CASKIN2: variants seen among roughly 807,000 people sequenced by gnomAD.
The protein encoded by CASKIN2 is CASK interacting protein 2.
A neutral mutation model predicts 107.1 loss-of-function variants in CASKIN2; 41 were observed. That is an observed-to-expected ratio of 0.38 (90% CI 0.30 to 0.50). The LOEUF (loss-of-function observed/expected upper bound fraction) is 0.50. Ranked by LOEUF, CASKIN2 falls within the 20% of genes least tolerant of loss-of-function variation. The pLI is 0.92. For missense variants in CASKIN2, 1,546 were observed against 1,657.4 expected (o/e 0.93, Z 1.17); for synonymous variants, 724 against 705.6 (o/e 1.03, Z -0.41).
At position 75,501,989 on chromosome 17, in the gene CASKIN2, C is replaced by T. The variant is rs758603832; in HGVS notation, c.3085G>A (p.Glu1029Lys). The change falls in exon 18 of 20, where the codon GAG (glutamate) becomes AAG (lysine). Residue 1029 changes from glutamate (E) to lysine (K), a missense_variant. By Grantham distance (56) the Glu-to-Lys change is moderately conservative. Transcript: ENST00000321617. ...GGAAGGCTAGAAGCTGGAGGAGACT[C>T]GCCAGGAGTTGGGGAAGGCAGTGGG... ...AAPLPSPTPG[E>K]SPPASSLPQP... 96 of 1,612,072 alleles carry T rather than the reference C, an allele frequency of 6.0e-5. No homozygotes were observed. Among genetic ancestry groups the T allele is most frequent in the East Asian group, 3.3e-4 (15 of 44,878 alleles).
intron 2 of CASKIN2, among the ~76,000 whole-genome samples, chr17:75,508,869 C>T (rs561734996): frequency 6.6e-6 from 1 of 152,240 alleles, no homozygotes; most frequent in Non-Finnish European, 1.5e-5. Flanking sequence ...AACCTGCTCA[C>T]GGGGGCTGTG....
At position 75,500,911 on chromosome 17, in the gene CASKIN2, A is replaced by T. The variant is rs1384635465; in HGVS notation, c.*169T>A. 17 of 629,382 alleles carry T rather than the reference A, an allele frequency of 2.7e-5. No individual in the cohort carries two copies. The highest frequency in any genetic ancestry group is 4.7e-5 in the Non-Finnish European group (17 of 360,050). The allele number at this position is 629,382 out of a possible 1,614,324, so 39.0% of individuals were successfully genotyped here. A position where few individuals can be genotyped will look rare whatever the true frequency, so the allele number is the denominator to read the frequency against. ...GTCAGGTTCTAAGGTGGGCTGCCCC[A>T]CAAGAGCTGTGGTGCCCACAGCCGC... On this transcript the variant is annotated 3_prime_UTR_variant, in exon 20 of 20. Transcript: ENST00000321617.
chr17:75,504,678 C>A lies in CASKIN2; in HGVS notation c.1208G>T (p.Ser403Ile). 6.3e-7 allele frequency: 1 copy of A among 1,598,548 alleles called. No individual in the cohort carries two copies. The highest frequency in any genetic ancestry group is 8.5e-7 in the Non-Finnish European group (1 of 1,170,540). The change falls in exon 12 of 20, where the codon AGT becomes ATT. Residue 403 changes from serine to isoleucine, a missense_variant. By Grantham distance (142) the Ser-to-Ile change is moderately radical. Coordinates refer to ENST00000321617, the MANE Select transcript of CASKIN2 (RefSeq NM_020753.5). ...GCCCACGCTGCCCTCACTGCCCACACTATTCCTGTCACCTGCTGTGGGGGG... is the reference window on the plus strand; with the variant it reads ...GCCCACGCTGCCCTCACTGCCCACAATATTCCTGTCACCTGCTGTGGGGGG... ...SPDSPAGDRN[S>I]VGSEGSVGSI...
chr17:75,502,083 C>A lies in CASKIN2; in HGVS notation c.2991G>T (p.Arg997=). 1 of 1,611,020 alleles carries A rather than the reference C, an allele frequency of 6.2e-7. No homozygotes were observed. The highest frequency in any genetic ancestry group is 8.5e-7 in the Non-Finnish European group (1 of 1,179,900). Residue 997 remains arginine (R), a synonymous_variant, in exon 18 of 20, where the codon CGG becomes CGT. Transcript: ENST00000321617. This position sits in a 1 kb window ranked among gnomAD's most constrained non-coding sequence, Gnocchi z 4.3. ...GTGCGGTCTGCAGTGGCTCTCTCTC[C>A]CGGCACTTGGGCCTCCGCTTAACAG... ...SDTVKRRPKC[R]EREPLQTALL... is the part of the protein sequence containing the mutation.
chr17:75,504,927 T>C lies in CASKIN2; in HGVS notation c.1077A>G (p.Ala359=). The C allele has an allele frequency of 1.5e-5, 19 of 1,244,226 alleles. No individual in the cohort carries two copies. Among genetic ancestry groups the C allele is most frequent in the Non-Finnish European group, 2.1e-5 (19 of 908,994 alleles). The allele number at this position is 1,244,226 out of a possible 1,614,324, so 77.1% of individuals were successfully genotyped here. A position where few individuals can be genotyped will look rare whatever the true frequency, so the allele number is the denominator to read the frequency against. ...AGAAGCCTGGGCGCAGGGGGGTGGG[T>C]GCGGAGGGGAGGCGGGCTGCAGGGA... is the stretch of plus-strand genomic sequence containing the variant. ...VGIPAARLPS[A]PTPLRPGFSR... The change falls in exon 11 of 20, where the codon GCA becomes GCG. Residue 359 remains alanine, a synonymous_variant. Coordinates refer to ENST00000321617, the MANE Select transcript of CASKIN2 (RefSeq NM_020753.5).
intron 4 of CASKIN2, 22 bp from the exon 5 acceptor site, chr17:75,507,151 T>C: frequency 6.3e-7 from 1 of 1,598,984 alleles, no homozygotes; most frequent in Non-Finnish European, 8.5e-7. Flanking sequence ...AAAGGGTTTC[T>C]GAGGGAGGTC....
chr17:75,506,971 C>T lies in CASKIN2; in HGVS notation c.390+13G>A. On this transcript the variant is annotated intron_variant, in intron 5 of 19. Coordinates refer to ENST00000321617, the MANE Select transcript of CASKIN2 (RefSeq NM_020753.5). The surrounding 1 kb of genome is among the most constrained non-coding windows in gnomAD (Gnocchi z 4.8). ...CTGCCCTGCGCCACGCCCCTGTGGG[C>T]AGCCTCACGTACCACCTCATAATGT... 1 of 1,613,196 alleles carries T rather than the reference C, an allele frequency of 6.2e-7. No homozygotes were observed. Among genetic ancestry groups the T allele is most frequent in the East Asian group, 2.2e-5 (1 of 44,874 alleles).
Position 75,503,369 on chromosome 17 carries a change from G to T in CASKIN2, c.1819+20C>A. 1 of 1,603,826 alleles carries T rather than the reference G, an allele frequency of 6.2e-7. No homozygotes were observed. The highest frequency in any genetic ancestry group is 8.5e-7 in the Non-Finnish European group (1 of 1,173,244). On this transcript the variant is annotated intron_variant, in intron 17 of 19. Coordinates refer to ENST00000321617, the MANE Select transcript of CASKIN2 (RefSeq NM_020753.5). Reference sequence around the variant, plus strand: ...CCGGAGGCAGGTGGGGGCCCAGCCAGGCCTCAGGACAGTCCTTACCGAGCT... The same window carrying T: ...CCGGAGGCAGGTGGGGGCCCAGCCATGCCTCAGGACAGTCCTTACCGAGCT...
chr17:75,513,180 G>A (rs1037555829), intron 2 of CASKIN2, among the ~76,000 whole-genome samples: 2 of 130,286 alleles, frequency 1.5e-5, no homozygotes, highest in African/African-American at 2.7e-5. Context: ...ACTCACGCCT[G>A]TAATCCTAGT....
At chr17:75,504,079 T>C in intron 14 of CASKIN2, 117 bp from the exon 15 acceptor site, 1 of 1,053,374 alleles carries the variant, frequency 9.5e-7, no homozygotes, top group Non-Finnish European at 1.4e-6. Context: ...CTCTTGCCTC[T>C]ACCCTGCCCT....
At chr17:75,508,634 C>T (rs747297932) in intron 2 of CASKIN2, among the ~76,000 whole-genome samples, 4 of 152,082 alleles carry the variant, frequency 2.6e-5, no homozygotes, top group African/African-American at 4.8e-5. Flanking sequence ...GGCCAGGCAG[C>T]GAGTCATGTT....
intron 2 of CASKIN2, among the ~76,000 whole-genome samples, chr17:75,512,200 G>A (rs914542623): frequency 6.6e-5 from 10 of 152,240 alleles, no homozygotes; most frequent in East Asian, 1.9e-4. Context: ...GCACAGGACC[G>A]AGGTGTATCT....
At chr17:75,514,305 G>A (rs2147000829) in intron 1 of CASKIN2, 97 bp from the exon 2 acceptor site, 1 of 401,208 alleles carries the variant, frequency 2.5e-6, no homozygotes. Context: ...GACCTCCAGG[G>A]AGCCCCCAAG....
At position 75,513,755 on chromosome 17, in the gene CASKIN2, G is replaced by A. The variant is rs766549522; in HGVS notation, c.50C>T (p.Thr17Ile). The stretch of plus-strand genomic sequence containing the variant: ...CTTCGCCACCAGTTTCTGCACACCG[G>A]TCACATCTCCATTCTTGACGGCGAG... ...LILAVKNGDV[T>I]GVQKLVAKVK... The change falls in exon 2 of 20, where the codon ACC becomes ATC. Residue 17 changes from threonine to isoleucine, a missense_variant. Coordinates refer to ENST00000321617, the MANE Select transcript of CASKIN2 (RefSeq NM_020753.5). 3 of 1,613,816 alleles carry A rather than the reference G, an allele frequency of 1.9e-6. No individual in the cohort carries two copies. Among genetic ancestry groups the A allele is most frequent in the South Asian group, 2.2e-5 (2 of 91,084 alleles).
In CASKIN2 at chr17:75,505,146, C is replaced by T; in HGVS notation, c.931-73G>A. 1.3e-6 allele frequency: 2 copies of T among 1,530,854 alleles called. No homozygotes were observed. Among genetic ancestry groups the T allele is most frequent in the Non-Finnish European group, 1.8e-6 (2 of 1,121,832 alleles). The allele number at this position is 1,530,854 out of a possible 1,614,324, so 94.8% of individuals were successfully genotyped here. On this transcript the variant is annotated intron_variant, in intron 10 of 19. Transcript: ENST00000321617. The surrounding 1 kb of genome is among the most constrained non-coding windows in gnomAD (Gnocchi z 5.1). ...AAGTGGCAAACGGTTGTCCCTGCAG[C>T]TGCGGTCCGGCAACCCTGGTCCAGC...
In CASKIN2 at chr17:75,507,120, G is replaced by A. The variant is rs759058309; in HGVS notation, c.254C>T (p.Pro85Leu). ...VDIKDSNGMR[P>L]LHYAAWQGRL... Reference sequence around the variant, plus strand: ...GCCCTGCCAGGCTGCGTAGTGCAGCGGGCGCATGCCTGGCAGGAGGAAAGG... The same window carrying A: ...GCCCTGCCAGGCTGCGTAGTGCAGCAGGCGCATGCCTGGCAGGAGGAAAGG... Residue 85 changes from proline to leucine, a missense_variant, in exon 5 of 20, where the codon CCG becomes CTG. Coordinates refer to ENST00000321617, the MANE Select transcript of CASKIN2 (RefSeq NM_020753.5). 1.9e-6 allele frequency: 3 copies of A among 1,607,950 alleles called. No individual in the cohort carries two copies. The highest frequency in any genetic ancestry group is 2.5e-6 in the Non-Finnish European group (3 of 1,178,532).
At chr17:75,509,806 C>T (rs147816356) in intron 2 of CASKIN2, 2 of 985,604 alleles carry the variant, frequency 2.0e-6, no homozygotes, top group Non-Finnish European at 2.4e-6. Context: ...CTTCCATTAG[C>T]CCTCCTCTTC....
intron 2 of CASKIN2, among the ~76,000 whole-genome samples, chr17:75,510,093 G>T (rs2053303977): frequency 6.6e-6 from 1 of 152,224 alleles, no homozygotes; most frequent in African/African-American, 2.4e-5. Flanking sequence ...GGCGCTGGGG[G>T]TGGAAGGGTG....
chr17:75,502,075 T>C lies in CASKIN2; in HGVS notation c.2999A>G (p.Glu1000Gly). 2 of 1,611,436 alleles carry C rather than the reference T, an allele frequency of 1.2e-6. No homozygotes were observed. The highest frequency in any genetic ancestry group is 1.7e-6 in the Non-Finnish European group (2 of 1,179,856). The part of the protein sequence containing the change: ...VKRRPKCRER[E>G]PLQTALLAFG... The stretch of plus-strand genomic sequence containing the variant: ...GGCCAGCAGTGCGGTCTGCAGTGGC[T>C]CTCTCTCCCGGCACTTGGGCCTCCG... The change falls in exon 18 of 20, where the codon GAG (glutamate) becomes GGG (glycine). Residue 1000 changes from glutamate (E) to glycine (G), a missense_variant. Around this residue, in one of 6 missense-constraint regions of CASKIN2, gnomAD observed 1,311 missense variants for 1,311.0 expected, o/e 1.00. Coordinates refer to ENST00000321617, the MANE Select transcript of CASKIN2 (RefSeq NM_020753.5). The surrounding 1 kb of genome is among the most constrained non-coding windows in gnomAD (Gnocchi z 4.3).
Sources: allele counts gnomAD v4.1 joint callset (sites outside exome capture counted in the v4.1 genomes callset), GRCh38; gene constraint gnomAD v4.1.1; regional missense constraint gnomAD v4.1.1; non-coding constraint Gnocchi (gnomAD v3.1); transcripts MANE v1.5; gene names NCBI Gene and HGNC (gene_info 2026-07-23, HGNC 2026-07-21).